PDZRN4: variants seen among roughly 807,000 people sequenced by gnomAD.
PDZRN4 encodes PDZ domain-containing RING finger protein 4.
In PDZRN4, 70 loss-of-function variants were observed where a neutral mutation model predicts 99.0. The ratio of observed to expected loss-of-function variants is 0.71; its 90% CI spans 0.58 to 0.86. The LOEUF is 0.86. Among genes scored for constraint, PDZRN4 ranks in the 40% least tolerant of loss-of-function variants. PDZRN4 has a pLI of 0.00. For synonymous variants in PDZRN4, 551 were observed against 501.6 expected, an observed-to-expected ratio of 1.10 and a Z score of -1.32; for missense variants, 1,474 against 1,331.2, an observed-to-expected ratio of 1.11 and a Z score of -1.67.
chr12:41,224,105 C>T (rs1266344087), intron 3 of PDZRN4, among the ~76,000 whole-genome samples: 2 of 152,320 alleles, frequency 1.3e-5, no homozygotes, highest in East Asian at 3.9e-4. Context: ...TTGCAATTGC[C>T]TATGGTTGCA....
intron 3 of PDZRN4, among the ~76,000 whole-genome samples, chr12:41,394,516 T>C (rs1952232438): frequency 6.6e-6 from 1 of 152,204 alleles, no homozygotes; most frequent in South Asian, 2.1e-4. Context: ...TGTTATCTCA[T>C]GTTTCTGTGG....
At chr12:41,469,494 C>T (rs1221957548) in intron 3 of PDZRN4, among the ~76,000 whole-genome samples, 3 of 152,160 alleles carry the variant, frequency 2.0e-5, no homozygotes, top group African/African-American at 7.2e-5. Context: ...CCTTCTACTA[C>T]GTAGATTCTG....
intron 3 of PDZRN4, among the ~76,000 whole-genome samples, chr12:41,304,684 G>C (rs1174891052): frequency 1.3e-5 from 2 of 152,122 alleles, no homozygotes; most frequent in Non-Finnish European, 2.9e-5. Context: ...AAAATGAATA[G>C]GATATGGTTC....
chr12:41,260,304 T>C (rs989253974), intron 3 of PDZRN4, among the ~76,000 whole-genome samples: 1 of 152,148 alleles, frequency 6.6e-6, no homozygotes, highest in Admixed American at 6.5e-5. Context: ...TTCCCTAACA[T>C]AACAGCAGAG....
intron 3 of PDZRN4, among the ~76,000 whole-genome samples, chr12:41,223,066 A>T (rs1404328971): frequency 6.6e-6 from 1 of 152,092 alleles, no homozygotes; most frequent in Non-Finnish European, 1.5e-5. Context: ...TAAATGGCAA[A>T]GCTCACAATT....
chr12:41,453,191 A>G (rs1329173820), intron 3 of PDZRN4, among the ~76,000 whole-genome samples: 1 of 152,094 alleles, frequency 6.6e-6, no homozygotes, highest in East Asian at 1.9e-4. Flanking sequence ...GCAGCAGCCC[A>G]TGCCCCCCGC....
intron 3 of PDZRN4, among the ~76,000 whole-genome samples, chr12:41,236,547 A>G (rs1475531588): frequency 1.3e-5 from 2 of 152,074 alleles, no homozygotes; most frequent in African/African-American, 4.8e-5. Context: ...AGATGAAGGA[A>G]AAGAGACTAA....
At chr12:41,469,758 C>A (rs1376061253) in intron 3 of PDZRN4, among the ~76,000 whole-genome samples, 1 of 151,848 alleles carries the variant, frequency 6.6e-6, no homozygotes, top group Non-Finnish European at 1.5e-5. Flanking sequence ...GGTGAAACCC[C>A]GTCTCTACTA....
chr12:41,473,233 C>A (rs916458590), intron 3 of PDZRN4: 1 of 151,858 alleles, frequency 6.6e-6, no homozygotes, highest in Non-Finnish European at 1.5e-5. Context: ...CAACATAATA[C>A]CACAATTATT....
At chr12:41,554,402 T>C (rs1469903118) in intron 6 of PDZRN4, among the ~76,000 whole-genome samples, 1 of 152,164 alleles carries the variant, frequency 6.6e-6, no homozygotes, top group Non-Finnish European at 1.5e-5. Flanking sequence ...TGAACATATG[T>C]ACTTGGAAGG....
intron 6 of PDZRN4, among the ~76,000 whole-genome samples, chr12:41,554,180 T>G (rs935618327): frequency 6.6e-6 from 1 of 152,242 alleles, no homozygotes; most frequent in Non-Finnish European, 1.5e-5. Flanking sequence ...TGTGGCATTA[T>G]CTCTTGTAAT....
chr12:41,339,132 A>AAG, intron 3 of PDZRN4, among the ~76,000 whole-genome samples: 1 of 151,870 alleles, frequency 6.6e-6, no homozygotes, highest in East Asian at 1.9e-4. Flanking sequence ...CGAGCAAAAA[A>AAG]AAAAACAAAA....
intron 3 of PDZRN4, among the ~76,000 whole-genome samples, chr12:41,483,821 C>G (rs548803257): frequency 6.6e-6 from 1 of 152,048 alleles, no homozygotes; most frequent in African/African-American, 2.4e-5. Context: ...AATAAACAAC[C>G]AATCAAGTAG....
At chr12:41,343,620 G>C (rs569404947) in intron 3 of PDZRN4, among the ~76,000 whole-genome samples, 5 of 57,574 alleles carry the variant, frequency 8.7e-5, no homozygotes, top group African/African-American at 2.7e-4. Flanking sequence ...AGTTGTATAC[G>C]GTACAATGTT....
intron 3 of PDZRN4, among the ~76,000 whole-genome samples, chr12:41,308,347 G>A (rs879503109): frequency 1.3e-5 from 2 of 152,126 alleles, no homozygotes; most frequent in Admixed American, 6.6e-5. Flanking sequence ...GACTTGTGAC[G>A]TGACATTAAG....
At chr12:41,526,403 T>A (rs1938568050) in intron 5 of PDZRN4, among the ~76,000 whole-genome samples, 1 of 152,206 alleles carries the variant, frequency 6.6e-6, no homozygotes, top group Non-Finnish European at 1.5e-5. Context: ...TCTCATTTGA[T>A]CTTGCCTTAG....
chr12:41,412,313 AG>A (rs1297327506), intron 3 of PDZRN4: 2 of 152,300 alleles, frequency 1.3e-5, no homozygotes, highest in African/African-American at 4.8e-5. Context: ...GAAGGAGAAA[AG>A]GGTGATGATG....
intron 3 of PDZRN4, among the ~76,000 whole-genome samples, chr12:41,418,571 T>C (rs1592052203): frequency 6.6e-6 from 1 of 152,192 alleles, no homozygotes; most frequent in African/African-American, 2.4e-5. Flanking sequence ...TCTCTCTAAA[T>C]AGTCATGACT....
intron 3 of PDZRN4, among the ~76,000 whole-genome samples, chr12:41,399,878 T>G (rs941619009): frequency 5.3e-5 from 8 of 152,118 alleles, no homozygotes; most frequent in Non-Finnish European, 1.2e-4. Flanking sequence ...CACTTCTGTT[T>G]ATGCAGAAGC....
Sources: allele counts gnomAD v4.1 joint callset (sites outside exome capture counted in the v4.1 genomes callset), GRCh38; gene constraint gnomAD v4.1.1; transcripts MANE v1.5; gene names NCBI Gene and HGNC (gene_info 2026-07-23, HGNC 2026-07-21).